CYFIP1: variants seen among roughly 807,000 people sequenced by gnomAD.
CYFIP1 encodes the protein cytoplasmic FMR1-interacting protein 1.
Under a neutral mutation model 163.5 loss-of-function variants are expected in CYFIP1, and 58 were observed. That is an observed-to-expected ratio of 0.35 (90% CI 0.29 to 0.44). The LOEUF is 0.44. Ranked by LOEUF, CYFIP1 falls within the 20% of genes least tolerant of loss-of-function variation. The probability of loss-of-function intolerance (pLI) is 1.00; values close to 1 mark genes in which losing one functional copy is unlikely to be tolerated. For synonymous variants in CYFIP1, 663 were observed against 660.7 expected (o/e 1.00, Z -0.05); for missense variants, 1,338 against 1,653.8 (o/e 0.81, Z 3.31).
At chr15:22,895,638 G>T (rs1436405717) in intron 22 of CYFIP1, among the ~76,000 whole-genome samples, 4 of 152,162 alleles carry the variant, frequency 2.6e-5, no homozygotes, top group Admixed American at 6.5e-5. Context: ...CTAGCAAGAT[G>T]ACTCAACATG....
chr15:22,898,138 C>G (rs1176656039), intron 22 of CYFIP1, among the ~76,000 whole-genome samples: 2 of 152,210 alleles, frequency 1.3e-5, no homozygotes, highest in African/African-American at 4.8e-5. Context: ...CTTCCGTCCC[C>G]TCAGCAAAAG....
chr15:22,881,971 C>T, intron 24 of CYFIP1, 35 bp from the exon 25 acceptor site: 1 of 1,586,476 alleles, frequency 6.3e-7, no homozygotes, highest in Non-Finnish European at 8.6e-7. Context: ...CGTCAGCCAC[C>T]CCACTCCGCT....
intron 20 of CYFIP1, among the ~76,000 whole-genome samples, chr15:22,910,209 G>A (rs971320060): frequency 1.3e-5 from 2 of 151,776 alleles, no homozygotes; most frequent in African/African-American, 4.8e-5. Flanking sequence ...CACCCAGGCT[G>A]GAGTGCAGTG....
At chr15:22,928,070 C>G (rs553984643) in intron 11 of CYFIP1, 42 bp from the exon 12 acceptor site, 1 of 1,454,262 alleles carries the variant, frequency 6.9e-7, no homozygotes, top group South Asian at 1.4e-5. Flanking sequence ...CCAGCGCCCC[C>G]ACCCAGCTCC....
chr15:22,900,296 A>G (rs1422997351), intron 22 of CYFIP1, among the ~76,000 whole-genome samples: 1 of 152,132 alleles, frequency 6.6e-6, no homozygotes, highest in Non-Finnish European at 1.5e-5. Flanking sequence ...GGTCACCGCC[A>G]GAAGTAACAG....
At chr15:22,880,650 G>A (rs1257891693) in intron 25 of CYFIP1, among the ~76,000 whole-genome samples, 3 of 152,224 alleles carry the variant, frequency 2.0e-5, no homozygotes, top group Non-Finnish European at 2.9e-5. Flanking sequence ...GCAGCTGACC[G>A]CACAATGAAC....
At position 22,893,202 on chromosome 15, in the gene CYFIP1, G is replaced by A. The variant is rs368642103; in HGVS notation, c.2589-225C>T. ...CTCAGGGGCCACAGCAGGAACACCC[G>A]GGGTCTGGTCTGCTGTACCAGAGCC... On this transcript the variant is annotated intron_variant, in intron 22 of 30. Coordinates refer to ENST00000617928, the MANE Select transcript of CYFIP1 (RefSeq NM_014608.6). Among the ~76,000 whole-genome samples the A allele has an allele frequency of 2.0e-3, 298 of 152,202 alleles. 1 individual carries two copies. The highest frequency in any genetic ancestry group is 0.017 in the Middle Eastern group (5 of 294).
At chr15:22,944,415 C>G in intron 5 of CYFIP1, 143 bp downstream of exon 5, 1 of 625,028 alleles carries the variant, frequency 1.6e-6, no homozygotes, top group Non-Finnish European at 2.8e-6. Context: ...CTGTCAAAGG[C>G]TTGGTCCCTT....
At chr15:22,935,914 A>ATT in intron 9 of CYFIP1, among the ~76,000 whole-genome samples, 1 of 152,304 alleles carries the variant, frequency 6.6e-6, no homozygotes, top group Non-Finnish European at 1.5e-5. Context: ...TTACTTGTCA[A>ATT]TTACACCTTG....
At chr15:22,880,159 A>C (rs979566602) in intron 25 of CYFIP1, 116 bp from the exon 26 acceptor site, 6 of 1,402,472 alleles carry the variant, frequency 4.3e-6, no homozygotes, top group Non-Finnish European at 6.0e-6. Flanking sequence ...CCTGGCTATA[A>C]GGACAGCCAC....
chr15:22,903,650 G>A, intron 22 of CYFIP1, 56 bp downstream of exon 22: 3 of 1,579,554 alleles, frequency 1.9e-6, no homozygotes, highest in Non-Finnish European at 2.6e-6. Context: ...AAGCCTGCGG[G>A]GACATGGGTC....
chr15:22,873,125 GC>G (rs11307802), intron 29 of CYFIP1, among the ~76,000 whole-genome samples, 153 bp from the exon 30 acceptor site: 127,880 of 152,110 alleles, frequency 0.84, 53,831 homozygotes, highest in East Asian at 0.93. Flanking sequence ...ATGCCGGGCA[GC>G]CAGGTGGCTG....
intron 26 of CYFIP1, among the ~76,000 whole-genome samples, chr15:22,875,821 T>C (rs947269255): frequency 2.4e-4 from 35 of 147,134 alleles, no homozygotes; most frequent in African/African-American, 8.8e-4. Context: ...GCCGAACTGC[T>C]CTTGGGTCAC....
chr15:22,910,573 G>A lies in CYFIP1; in HGVS notation c.2215C>T (p.His739Tyr). 6.2e-7 allele frequency: 1 copy of A among 1,614,158 alleles called. No individual in the cohort carries two copies. Among genetic ancestry groups the A allele is most frequent in the African/African-American group, 1.3e-5 (1 of 75,046 alleles). The change falls in exon 20 of 31, where the codon CAC becomes TAC. Residue 739 changes from histidine to tyrosine, a missense_variant. Around this residue, in one of 4 missense-constraint regions of CYFIP1, gnomAD observed 824 missense variants for 995.7 expected, o/e 0.83. Coordinates refer to ENST00000617928, the MANE Select transcript of CYFIP1 (RefSeq NM_014608.6). The stretch of plus-strand genomic sequence containing the variant: ...TCGTAGCGGTTAGACGGCGGGAGGT[G>A]GATCGTGGCTCCCTGATTCTTGCAT... Reference protein sequence around the residue: ...SECKNQGATIHLPPSNRYETL... With the variant: ...SECKNQGATIYLPPSNRYETL...
intron 1 of CYFIP1, among the ~76,000 whole-genome samples, chr15:22,949,218 G>A (rs921054451): frequency 8.5e-5 from 13 of 152,172 alleles, no homozygotes; most frequent in Non-Finnish European, 1.6e-4. Context: ...GGAGGGCCGC[G>A]GATTCCCCCC....
At chr15:22,963,521 TAAC>T (rs2062770554) in intron 1 of CYFIP1, among the ~76,000 whole-genome samples, 1 of 145,126 alleles carries the variant, frequency 6.9e-6, no homozygotes, top group African/African-American at 2.5e-5. Context: ...TAACATAACA[TAAC>T]ATAACATAAC....
chr15:22,936,718 C>T (rs914014009), intron 9 of CYFIP1, among the ~76,000 whole-genome samples: 10 of 152,068 alleles, frequency 6.6e-5, no homozygotes, highest in Admixed American at 2.6e-4. Flanking sequence ...TGGGAACATC[C>T]GAGAGCCCGC....
intron 1 of CYFIP1, chr15:22,951,258 G>A: frequency 9.8e-7 from 1 of 1,019,860 alleles, no homozygotes; most frequent in Non-Finnish European, 1.2e-6. Flanking sequence ...CCCGACCGCA[G>A]CCGGTCACTG....
At chr15:22,918,580 G>T in intron 14 of CYFIP1, 112 bp downstream of exon 14, 1 of 1,004,570 alleles carries the variant, frequency 1.0e-6, no homozygotes, top group South Asian at 1.9e-5. Context: ...TCTGAAGGTT[G>T]AAGATAAATA....
Sources: allele counts gnomAD v4.1 joint callset (sites outside exome capture counted in the v4.1 genomes callset), GRCh38; gene constraint gnomAD v4.1.1; regional missense constraint gnomAD v4.1.1; transcripts MANE v1.5; gene names NCBI Gene and HGNC (gene_info 2026-07-23, HGNC 2026-07-21).